YWHAG: variants seen among roughly 807,000 people sequenced by gnomAD.
YWHAG encodes tyrosine 3-monooxygenase/tryptophan 5-monooxygenase activation protein gamma, also known as 14-3-3 protein gamma.
A neutral mutation model predicts 23.3 loss-of-function variants in YWHAG; 1 was observed. The observed-to-expected ratio is 0.04, with a 90% CI of 0.02 to 0.20. YWHAG has a LOEUF of 0.20. YWHAG is among the 10% of genes least tolerant of loss of function. The pLI is 1.00. For missense variants in YWHAG, 151 were observed against 338.6 expected (o/e 0.45, Z 4.35); for synonymous variants, 160 against 144.0 (o/e 1.11, Z -0.80).
At chr7:76,343,197 G>T (rs61005511) in intron 1 of YWHAG, among the ~76,000 whole-genome samples, 1 of 152,028 alleles carries the variant, frequency 6.6e-6, no homozygotes, top group African/African-American at 2.4e-5. Flanking sequence ...TACTGCAGCC[G>T]TTTTTAAAAA....
At chr7:76,330,759 C>T (rs1405887546) in intron 1 of YWHAG, among the ~76,000 whole-genome samples, 1 of 152,282 alleles carries the variant, frequency 6.6e-6, no homozygotes, top group Admixed American at 6.5e-5. Context: ...TGAGTCTGAT[C>T]GCTGTGATAC....
intron 1 of YWHAG, among the ~76,000 whole-genome samples, chr7:76,344,029 TG>T: frequency 6.6e-6 from 1 of 152,320 alleles, no homozygotes; most frequent in East Asian, 1.9e-4. Context: ...TCTCTGCAAG[TG>T]TTACTGTTAA....
chr7:76,341,144 G>A (rs549753362), intron 1 of YWHAG, among the ~76,000 whole-genome samples: 2 of 152,190 alleles, frequency 1.3e-5, no homozygotes, highest in Non-Finnish European at 2.9e-5. Flanking sequence ...TGTAATCCCA[G>A]CACTTTAGGA....
chr7:76,358,881 T>G lies in YWHAG; in HGVS notation c.-73A>C. The G allele has an allele frequency of 2.1e-6, 3 of 1,439,014 alleles. No homozygotes were observed. Among genetic ancestry groups the G allele is most frequent in the Non-Finnish European group, 2.8e-6 (3 of 1,066,178 alleles). The allele number at this position is 1,439,014 out of a possible 1,614,324, so 89.1% of individuals were successfully genotyped here. On this transcript the variant is annotated 5_prime_UTR_variant, in exon 1 of 2. Transcript: ENST00000307630. ...GCCTGAAGGGCTTGGAGGGCGCGAC[T>G]GGAGCCCAAGTGCCGGAGAGGACCG...
chr7:76,356,079 T>A (rs909633111), intron 1 of YWHAG, among the ~76,000 whole-genome samples: 3 of 152,234 alleles, frequency 2.0e-5, no homozygotes, highest in Admixed American at 2.0e-4. Context: ...TAGGATAATT[T>A]CATTAAACTC....
At position 76,328,695 on chromosome 7, in the gene YWHAG, A is replaced by G. The variant is rs957402108; in HGVS notation, c.*882T>C. ...TTCTCTGAAAATACCAACACGATCCATGACATACAGACCTGAATTTTCTCT... is the reference window on the plus strand; with the variant it reads ...TTCTCTGAAAATACCAACACGATCCGTGACATACAGACCTGAATTTTCTCT... On this transcript the variant is annotated 3_prime_UTR_variant, in exon 2 of 2. Transcript: ENST00000307630. 1.3e-5 allele frequency: 2 copies of G among 152,142 alleles called. No individual in the cohort carries two copies. The highest frequency in any genetic ancestry group is 4.8e-5 in the African/African-American group (2 of 41,418). The allele number at this position is 152,142 out of a possible 1,614,324, so 9.4% of individuals were successfully genotyped here. A position where few individuals can be genotyped will look rare whatever the true frequency, so the allele number is the denominator to read the frequency against.
rs149806343 is a variant in YWHAG, at chr7:76,329,715, G to A, written c.606C>T (p.Asp202=). The change falls in exon 2 of 2, where the codon GAC becomes GAT. Residue 202 remains aspartate, a synonymous_variant. Transcript: ENST00000307630. This position sits in a 1 kb window ranked among gnomAD's most constrained non-coding sequence, Gnocchi z 6.1. ...GGGTGTCAAGCTCGGCGATGGCGTCGTCGAACGCGGTCTTGGCCAAGTGGC... is the reference window on the plus strand; with the variant it reads ...GGGTGTCAAGCTCGGCGATGGCGTCATCGAACGCGGTCTTGGCCAAGTGGC... ...QACHLAKTAF[D]DAIAELDTLN... 4.8e-5 allele frequency: 78 copies of A among 1,614,230 alleles called. No individual in the cohort carries two copies. The highest frequency in any genetic ancestry group is 1.9e-4 in the African/African-American group (14 of 75,060).
chr7:76,354,271 G>A (rs1038053794), intron 1 of YWHAG, among the ~76,000 whole-genome samples: 10 of 152,178 alleles, frequency 6.6e-5, no homozygotes, highest in African/African-American at 2.4e-4. Context: ...AGCACTTTGG[G>A]AGGCTGAGGT....
intron 1 of YWHAG, among the ~76,000 whole-genome samples, chr7:76,348,605 C>T (rs1030338124): frequency 3.3e-5 from 5 of 151,956 alleles, no homozygotes; most frequent in Admixed American, 6.6e-5. Context: ...GGGGTTTCAC[C>T]GTGTTTGCCA....
rs573470251 is a variant in YWHAG, at chr7:76,346,411, G to A, written c.87+12311C>T. 3.9e-5 allele frequency among the ~76,000 whole-genome samples: 6 copies of A among 152,310 alleles called. No individual in the cohort carries two copies. In the South Asian group the frequency reaches 1.2e-3, roughly 32 times the overall value. ...GAATGTCAGTTCTACCAGGGAAGAG[G>A]ATATTATATTCTGCAGCTGTTAGGC... On this transcript the variant is annotated intron_variant, in intron 1 of 1. Transcript: ENST00000307630.
intron 1 of YWHAG, among the ~76,000 whole-genome samples, chr7:76,340,004 G>T (rs1803667943): frequency 6.6e-6 from 1 of 152,086 alleles, no homozygotes; most frequent in African/African-American, 2.4e-5. Context: ...CAGGAGAATT[G>T]CTTGAACCTG....
intron 1 of YWHAG, among the ~76,000 whole-genome samples, chr7:76,343,464 C>T (rs1803729353): frequency 6.6e-6 from 1 of 152,194 alleles, no homozygotes; most frequent in Non-Finnish European, 1.5e-5. Context: ...CCATATGAAT[C>T]AGCATCACCC....
At chr7:76,348,421 A>ATTTTTTT (rs35576700) in intron 1 of YWHAG, among the ~76,000 whole-genome samples, 1 of 130,952 alleles carries the variant, frequency 7.6e-6, no homozygotes, top group East Asian at 2.3e-4. Flanking sequence ...ATGCCCGCTA[A>ATTTTTTT]TTTTTTTTTT....
intron 1 of YWHAG, among the ~76,000 whole-genome samples, chr7:76,354,023 T>C (rs950634793): frequency 1.4e-4 from 20 of 138,046 alleles, no homozygotes; most frequent in African/African-American, 4.2e-4. Context: ...CAGTGAGCCA[T>C]GCTCCAGCCT....
intron 1 of YWHAG, among the ~76,000 whole-genome samples, chr7:76,349,436 CACACACAG>C (rs1259299193): frequency 7.9e-6 from 1 of 125,862 alleles, no homozygotes; most frequent in Admixed American, 8.2e-5. Flanking sequence ...CACACACACA[CACACACAG>C]ACACACACAC....
Position 76,329,489 on chromosome 7 carries a change from T to TTCCCC in YWHAG, c.*87_*88insGGGGA. On this transcript the variant is annotated 3_prime_UTR_variant, in exon 2 of 2. Transcript: ENST00000307630. The surrounding 1 kb of genome is among the most constrained non-coding windows in gnomAD (Gnocchi z 6.1). ...TCCCTGGGAAGGTCATCCCTCCCTT[T>TTCCCC]CCCTCCCCCACCCGACCCCCAACTC... The TTCCCC allele has an allele frequency of 2.2e-5, 23 of 1,024,224 alleles. No homozygotes were observed. The highest frequency in any genetic ancestry group is 2.8e-5 in the Non-Finnish European group (21 of 740,080). The allele number at this position is 1,024,224 out of a possible 1,614,324, so 63.4% of individuals were successfully genotyped here.
Position 76,356,923 on chromosome 7 carries a change from G to T in YWHAG, c.87+1799C>A, listed in dbSNP as rs548881224. On this transcript the variant is annotated intron_variant, in intron 1 of 1. Transcript: ENST00000307630. ...GCATTACCTTGGATAAATGCCATTTGCACACTCCCTACCAGCCCTTAGGTG... is the reference window on the plus strand; with the variant it reads ...GCATTACCTTGGATAAATGCCATTTTCACACTCCCTACCAGCCCTTAGGTG... 4.6e-5 allele frequency among the ~76,000 whole-genome samples: 7 copies of T among 152,234 alleles called. No individual in the cohort carries two copies. The East Asian group carries it at 1.3e-3, about 29-fold the overall frequency.
intron 1 of YWHAG, among the ~76,000 whole-genome samples, chr7:76,338,544 C>G (rs1028600420): frequency 6.6e-6 from 1 of 152,194 alleles, no homozygotes; most frequent in African/African-American, 2.4e-5. Flanking sequence ...CTCCAGCCCT[C>G]AGGCTGCAAA....
intron 1 of YWHAG, among the ~76,000 whole-genome samples, chr7:76,352,907 T>TC (rs1241427590): frequency 6.6e-6 from 1 of 152,134 alleles, no homozygotes; most frequent in Non-Finnish European, 1.5e-5. Context: ...CACCTCGACC[T>TC]CCCAAAGTGC....
Sources: allele counts gnomAD v4.1 joint callset (sites outside exome capture counted in the v4.1 genomes callset), GRCh38; gene constraint gnomAD v4.1.1; non-coding constraint Gnocchi (gnomAD v3.1); transcripts MANE v1.5; gene names NCBI Gene and HGNC (gene_info 2026-07-23, HGNC 2026-07-21).